AGMO: variants seen among roughly 807,000 people sequenced by gnomAD.
AGMO encodes the protein alkylglycerol monooxygenase, also known as glyceryl-ether monooxygenase.
Under a neutral mutation model 60.2 loss-of-function variants are expected in AGMO, and 75 were observed. The ratio of observed to expected loss-of-function variants is 1.25; its 90% CI spans 1.03 to 1.51. The LOEUF is 1.51. Among genes scored for constraint, AGMO ranks in the 40% most tolerant of loss-of-function variants. The pLI is 0.00. For missense variants in AGMO, 763 were observed against 525.5 expected (o/e 1.45, Z -4.42); for synonymous variants, 261 against 177.1 (o/e 1.47, Z -3.76).
In AGMO at chr7:15,242,436, G is replaced by A. The variant is rs1245490858; in HGVS notation, c.1264-41077C>T. On this transcript the variant is annotated intron_variant, in intron 12 of 12. Transcript: ENST00000342526. ...GGCTTATTTTTTAACCACAGTGTTT[G>A]GAGTAAAATTATCATTGGTAAATGG... Among the ~76,000 whole-genome samples, 3 of 152,062 alleles carry A rather than the reference G, an allele frequency of 2.0e-5. No homozygotes were observed. The East Asian group carries it at 5.8e-4, about 29-fold the overall frequency.
intron 3 of AGMO, 84 bp downstream of exon 3, chr7:15,544,688 A>G (rs1353076582): frequency 2.7e-6 from 3 of 1,111,400 alleles, no homozygotes; most frequent in Admixed American, 3.0e-5. Flanking sequence ...GTATTTATCC[A>G]TTCAATAAAT....
chr7:15,541,152 C>T (rs114124915), intron 3 of AGMO, among the ~76,000 whole-genome samples: 2,026 of 152,062 alleles, frequency 0.013, 41 homozygotes, highest in African/African-American at 0.047. Context: ...GACGGGGTCT[C>T]GCTCTGTCAC....
intron 10 of AGMO, among the ~76,000 whole-genome samples, chr7:15,382,258 A>C (rs751752237): frequency 1.2e-4 from 19 of 152,166 alleles, no homozygotes; most frequent in Non-Finnish European, 2.6e-4. Flanking sequence ...AGCAGGATAC[A>C]TTGCATACAC....
chr7:15,138,485 A>G, the AGMO span, among the ~76,000 whole-genome samples: 7 of 152,314 alleles, frequency 4.6e-5, no homozygotes, highest in East Asian at 1.4e-3. Flanking sequence ...ATCAGTATTC[A>G]TCAAGTTTAG....
chr7:15,420,661 G>A (rs1466193208), intron 4 of AGMO, among the ~76,000 whole-genome samples: 5 of 152,070 alleles, frequency 3.3e-5, no homozygotes, highest in South Asian at 2.1e-4. Flanking sequence ...TTGCATTTCC[G>A]AATCCTATAT....
the AGMO span, among the ~76,000 whole-genome samples, chr7:15,131,757 AACACACAC>A: frequency 0.021 from 3,082 of 146,354 alleles, 106 homozygotes; most frequent in African/African-American, 0.074. Context: ...CAAAGAAATT[AACACACAC>A]ACACACACAC....
the AGMO span, among the ~76,000 whole-genome samples, chr7:15,129,378 A>G: frequency 5.3e-5 from 8 of 152,264 alleles, no homozygotes; most frequent in African/African-American, 1.9e-4. Context: ...TTCAGAGAAC[A>G]TGTATAGGAA....
intron 12 of AGMO, among the ~76,000 whole-genome samples, chr7:15,221,595 G>A (rs1418219578): frequency 1.3e-5 from 2 of 152,138 alleles, no homozygotes; most frequent in Non-Finnish European, 2.9e-5. Context: ...TTGGTGAGAA[G>A]CAGGATATGC....
At chr7:15,393,177 C>CTCTGA (rs549390855) in intron 6 of AGMO, among the ~76,000 whole-genome samples, 136 of 152,344 alleles carry the variant, frequency 8.9e-4, no homozygotes, top group African/African-American at 3.1e-3. Flanking sequence ...CGCCTGTGCC[C>CTCTGA]TCTGATCTGG....
chr7:15,296,517 A>T (rs892976080), intron 12 of AGMO, among the ~76,000 whole-genome samples: 1 of 152,148 alleles, frequency 6.6e-6, no homozygotes, highest in African/African-American at 2.4e-5. Flanking sequence ...CCTTTCCAAG[A>T]GAAGACAGCC....
rs1181290416 is a variant in AGMO at position 15,276,636 on chromosome 7, A to AT, written c.1264-75278dup. 4.6e-5 allele frequency among the ~76,000 whole-genome samples: 7 copies of AT among 152,168 alleles called. No individual in the cohort carries two copies. In the East Asian group the frequency reaches 1.4e-3, roughly 29 times the overall value. ...TTATTCACTCAAATGTGTTTTTCAC[A>AT]TTTTTTTACTTTTCCTTCTCCCTTC... On this transcript the variant is annotated intron_variant, in intron 12 of 12. Transcript: ENST00000342526.
intron 3 of AGMO, among the ~76,000 whole-genome samples, chr7:15,496,412 C>G (rs924587684): frequency 2.0e-5 from 3 of 151,972 alleles, no homozygotes; most frequent in Non-Finnish European, 4.4e-5. Context: ...GAGAAAAGGG[C>G]AGGGATGCTT....
At chr7:15,207,566 T>A (rs1014679863) in intron 12 of AGMO, among the ~76,000 whole-genome samples, 1 of 152,242 alleles carries the variant, frequency 6.6e-6, no homozygotes, top group Non-Finnish European at 1.5e-5. Context: ...ACCTAACTTC[T>A]CAATTTTTAC....
At chr7:15,181,608 G>A in the AGMO span, among the ~76,000 whole-genome samples, 1 of 152,078 alleles carries the variant, frequency 6.6e-6, no homozygotes, top group East Asian at 1.9e-4. Context: ...TAAGCTTGTA[G>A]GTTCAATATA....
chr7:15,124,925 G>T, the AGMO span, among the ~76,000 whole-genome samples: 1 of 151,990 alleles, frequency 6.6e-6, no homozygotes, highest in Non-Finnish European at 1.5e-5. Flanking sequence ...TAGTCTAATG[G>T]CTGAACATAG....
At chr7:15,493,533 C>A (rs867428769) in intron 3 of AGMO, among the ~76,000 whole-genome samples, 1 of 151,258 alleles carries the variant, frequency 6.6e-6, no homozygotes, top group Non-Finnish European at 1.5e-5. Context: ...GCCACCACAC[C>A]CGGCTAATTT....
intron 12 of AGMO, among the ~76,000 whole-genome samples, chr7:15,209,418 T>C (rs1387047214): frequency 2.0e-5 from 3 of 152,176 alleles, no homozygotes; most frequent in Middle Eastern, 6.8e-3. Context: ...AAAAATGCCA[T>C]GTTTACAGAA....
rs1167456004 is a variant in AGMO, at chr7:15,560,264, G to C, written c.134C>G (p.Pro45Arg). The C allele has an allele frequency of 1.2e-6, 2 of 1,611,190 alleles. No individual in the cohort carries two copies. The highest frequency in any genetic ancestry group is 1.3e-5 in the African/African-American group (1 of 74,754). The change falls in exon 2 of 13, where the codon CCA (proline) becomes CGA (arginine). Residue 45 changes from proline to arginine, a missense_variant. Transcript: ENST00000342526. ...EVPDYVKKAT[P>R]FFISLMLLEL... ...AAGCAGCATCAAAGAAATGAAAAAT[G>C]GAGTTGCCTGGAAAGGAAGTTGCAG... is the stretch of plus-strand genomic sequence containing the variant.
At chr7:15,170,869 T>A in the AGMO span, among the ~76,000 whole-genome samples, 2 of 152,170 alleles carry the variant, frequency 1.3e-5, no homozygotes, top group African/African-American at 4.8e-5. Context: ...TTGAAGATCG[T>A]GATGGTTTTA....
Sources: allele counts gnomAD v4.1 joint callset (sites outside exome capture counted in the v4.1 genomes callset), GRCh38; gene constraint gnomAD v4.1.1; transcripts MANE v1.5; gene names NCBI Gene and HGNC (gene_info 2026-07-23, HGNC 2026-07-21).